TBC1D2: variants seen among roughly 807,000 people sequenced by gnomAD.
TBC1D2 encodes the protein TBC1 domain family member 2A.
In TBC1D2, 58 loss-of-function variants were observed where a neutral mutation model predicts 91.1. That is an observed-to-expected ratio of 0.64 (90% CI 0.52 to 0.79). TBC1D2 has a LOEUF of 0.79. TBC1D2 is among the 30% of genes least tolerant of loss of function. The probability of loss-of-function intolerance (pLI) is 0.00; values close to 1 mark genes in which losing one functional copy is unlikely to be tolerated. For synonymous variants in TBC1D2, 482 were observed against 511.5 expected (o/e 0.94, Z 0.78); for missense variants, 1,080 against 1,208.3 (o/e 0.89, Z 1.57).
chr9:98,240,201 T>G (rs932775134), intron 3 of TBC1D2, among the ~76,000 whole-genome samples: 1 of 137,572 alleles, frequency 7.3e-6, no homozygotes, highest in Non-Finnish European at 1.6e-5. Flanking sequence ...GTGTTTTGTA[T>G]AGTTGGGCCC....
intron 4 of TBC1D2, among the ~76,000 whole-genome samples, chr9:98,229,953 T>C (rs1829327294): frequency 1.3e-5 from 2 of 152,246 alleles, no homozygotes; most frequent in South Asian, 2.1e-4. Context: ...TCTTGCTCTT[T>C]ACAAAAAATG....
chr9:98,199,288 G>C lies in TBC1D2; in HGVS notation c.*93C>G. 7.2e-7 allele frequency: 1 copy of C among 1,391,720 alleles called. No individual in the cohort carries two copies. Among genetic ancestry groups the C allele is most frequent in the Non-Finnish European group, 1.0e-6 (1 of 996,394 alleles). The allele number at this position is 1,391,720 out of a possible 1,614,324, so 86.2% of individuals were successfully genotyped here. On this transcript the variant is annotated 3_prime_UTR_variant, in exon 13 of 13. Transcript: ENST00000465784. ...CATGTCCAAGGTCACATGGTGATGG[G>C]ACACCCAGGGCTGGGCCACTGGTCC...
At chr9:98,218,908 G>A (rs1202173398) in intron 6 of TBC1D2, among the ~76,000 whole-genome samples, 1 of 152,218 alleles carries the variant, frequency 6.6e-6, no homozygotes, top group Admixed American at 6.5e-5. Flanking sequence ...CGGCAGTATG[G>A]GTGGAGAGAA....
At chr9:98,240,454 A>G (rs890309985) in intron 3 of TBC1D2, among the ~76,000 whole-genome samples, 2 of 152,142 alleles carry the variant, frequency 1.3e-5, no homozygotes, top group Non-Finnish European at 2.9e-5. Flanking sequence ...AGTTCCATTG[A>G]AGAGAATCAT....
chr9:98,254,378 G>A (rs1829931511), intron 1 of TBC1D2, among the ~76,000 whole-genome samples: 1 of 152,226 alleles, frequency 6.6e-6, no homozygotes, highest in Non-Finnish European at 1.5e-5. Context: ...GTACCAGGCT[G>A]TATTCTAGGT....
intron 3 of TBC1D2, among the ~76,000 whole-genome samples, chr9:98,239,547 T>C (rs1419455255): frequency 6.6e-6 from 1 of 152,228 alleles, no homozygotes; most frequent in East Asian, 1.9e-4. Flanking sequence ...ATTAATCCTT[T>C]TTATATGCTG....
intron 7 of TBC1D2, among the ~76,000 whole-genome samples, chr9:98,212,436 C>T (rs1828868907): frequency 6.6e-6 from 1 of 152,216 alleles, no homozygotes; most frequent in South Asian, 2.1e-4. Flanking sequence ...AAGGTACCTC[C>T]TCCAGGAAGC....
In TBC1D2 at chr9:98,201,542, C is replaced by T. The variant is rs145936813; in HGVS notation, c.2394G>A (p.Ala798=). 6.7e-4 allele frequency: 1,080 copies of T among 1,613,994 alleles called. 4 individuals are homozygous for T. Among genetic ancestry groups the T allele is most frequent in the Middle Eastern group, 2.3e-3 (14 of 6,082 alleles). Residue 798 remains alanine (A), a synonymous_variant, in exon 11 of 13, where the codon GCG becomes GCA. Coordinates refer to ENST00000465784, the MANE Select transcript of TBC1D2 (RefSeq NM_001267571.2). ...VTFNWFLVVF[A]DSLISNILLR... ...GGAGGATGTTGCTAATGAGACTGTC[C>T]GCAAAGACCACGAGGAACCAGTTGA...
intron 10 of TBC1D2, among the ~76,000 whole-genome samples, chr9:98,201,937 T>C (rs1184416931): frequency 6.6e-6 from 1 of 152,146 alleles, no homozygotes; most frequent in African/African-American, 2.4e-5. Context: ...TGGCACGTTC[T>C]CCGCCCGCTC....
Position 98,255,528 on chromosome 9 carries a change from C to A in TBC1D2, c.14G>T (p.Gly5Val), listed in dbSNP as rs749258090. The A allele has an allele frequency of 6.6e-7, 1 of 1,518,300 alleles. No individual in the cohort carries two copies. Among genetic ancestry groups the A allele is most frequent in the East Asian group, 2.3e-5 (1 of 43,712 alleles). 94.1% of individuals were successfully genotyped at this position (1,518,300 alleles called of 1,614,324 possible). The change falls in exon 1 of 13, where the codon GGG becomes GTG. Residue 5 changes from glycine to valine, a missense_variant. Gly to Val is a moderately radical substitution (Grantham distance 109). Transcript: ENST00000465784. ...GGAGCTGGACTCCGGGGCGTTCTCC[C>A]CAGCGCCCTCCATCGCTGCCAGCCG... MEGA[G>V]ENAPESSSSA... is the part of the protein sequence containing the mutation.
intron 5 of TBC1D2, among the ~76,000 whole-genome samples, chr9:98,227,614 A>AC (rs35585741): frequency 0.44 from 66,336 of 151,218 alleles, 17,337 homozygotes; most frequent in African/African-American, 0.74. Flanking sequence ...AAAAACAAAA[A>AC]CCAAAAAACA....
intron 2 of TBC1D2, among the ~76,000 whole-genome samples, chr9:98,247,793 C>A (rs1257058056): frequency 2.7e-5 from 4 of 149,736 alleles, no homozygotes; most frequent in Admixed American, 1.3e-4. Context: ...TTCAAAGTAA[C>A]CTTTAAGCCA....
At chr9:98,215,027 G>A (rs548080123) in intron 6 of TBC1D2, among the ~76,000 whole-genome samples, 3 of 152,164 alleles carry the variant, frequency 2.0e-5, no homozygotes, top group Non-Finnish European at 2.9e-5. Flanking sequence ...AACCCCTGGC[G>A]CCACCCTCCT....
chr9:98,201,393 C>T (rs966217393), intron 11 of TBC1D2, 86 bp downstream of exon 11: 31 of 1,269,464 alleles, frequency 2.4e-5, no homozygotes, highest in Non-Finnish European at 3.2e-5. Flanking sequence ...GCATTGTCTT[C>T]CCATTCTCCA....
chr9:98,254,856 T>G (rs1829939837), intron 1 of TBC1D2, among the ~76,000 whole-genome samples: 1 of 152,156 alleles, frequency 6.6e-6, no homozygotes, highest in Non-Finnish European at 1.5e-5. Context: ...AAGTAAAAGT[T>G]TTGATTCAGC....
At chr9:98,201,071 G>A (rs1180072440) in intron 11 of TBC1D2, among the ~76,000 whole-genome samples, 2 of 151,914 alleles carry the variant, frequency 1.3e-5, no homozygotes, top group Admixed American at 1.3e-4. Flanking sequence ...TTTGTAAACT[G>A]AGGTGTAAAC....
At chr9:98,211,510 G>C (rs1828838663) in intron 7 of TBC1D2, among the ~76,000 whole-genome samples, 1 of 152,154 alleles carries the variant, frequency 6.6e-6, no homozygotes, top group Non-Finnish European at 1.5e-5. Context: ...GGTGGTGCTA[G>C]GCAAGTCAGG....
At chr9:98,244,416 T>G (rs1829719174) in intron 2 of TBC1D2, among the ~76,000 whole-genome samples, 1 of 152,058 alleles carries the variant, frequency 6.6e-6, no homozygotes, top group South Asian at 2.1e-4. Context: ...CTCAGCAATT[T>G]GGGAGGCTGA....
chr9:98,233,368 G>GTT, intron 4 of TBC1D2, 48 bp downstream of exon 4: 1 of 1,575,420 alleles, frequency 6.3e-7, no homozygotes, highest in Non-Finnish European at 8.6e-7. Context: ...TGTGCCAGCC[G>GTT]TGAGGAGCTG....
Sources: gnomAD v4.1 joint callset for allele counts (sites outside exome capture counted in the v4.1 genomes callset) on GRCh38, gnomAD v4.1.1 for gene constraint, MANE v1.5 for transcripts, NCBI Gene and HGNC (gene_info 2026-07-23, HGNC 2026-07-21) for gene names.